Variants in PCDHA10 observed in about 807,000 individuals in gnomAD.
The protein encoded by PCDHA10 is protocadherin alpha-10.
Under a neutral mutation model 61.2 loss-of-function variants are expected in PCDHA10, and 45 were observed. That is an observed-to-expected ratio of 0.74 (90% CI 0.58 to 0.94). The LOEUF (loss-of-function observed/expected upper bound fraction) is 0.94. PCDHA10 is among the 40% of genes least tolerant of loss of function. PCDHA10 has a pLI of 0.00. For missense variants in PCDHA10, 1,278 were observed against 1,236.2 expected (o/e 1.03, Z -0.51); for synonymous variants, 602 against 548.8 (o/e 1.10, Z -1.35).
intron 3 of PCDHA10, among the ~76,000 whole-genome samples, chr5:140,999,980 C>A (rs1386394350): frequency 6.6e-6 from 1 of 152,076 alleles, no homozygotes; most frequent in Non-Finnish European, 1.5e-5. Context: ...GCTCTAGCGG[C>A]CTCTGGGTAG....
intron 1 of PCDHA10, among the ~76,000 whole-genome samples, chr5:140,926,128 C>CGCAGCAGGATCCAGCGCGGAAAGCTCT (rs1157627097): frequency 6.6e-6 from 1 of 152,162 alleles, no homozygotes; most frequent in Non-Finnish European, 1.5e-5. Context: ...GACTTCAACC[C>CGCAGCAGGATCCAGCGCGGAAAGCTCT]GCAGCAGGAT....
intron 1 of PCDHA10, among the ~76,000 whole-genome samples, chr5:140,905,031 T>G (rs2071545933): frequency 6.6e-6 from 1 of 152,228 alleles, no homozygotes. Flanking sequence ...GCAGAAGCTT[T>G]TTAGTTTAAT....
intron 1 of PCDHA10, chr5:140,927,592 G>T: frequency 6.2e-7 from 1 of 1,614,170 alleles, no homozygotes; most frequent in Admixed American, 1.7e-5. Context: ...GCCTGTATTT[G>T]AGCGCTCCGT....
chr5:140,887,361 G>T (rs2061424710), intron 1 of PCDHA10, among the ~76,000 whole-genome samples: 1 of 152,144 alleles, frequency 6.6e-6, no homozygotes, highest in South Asian at 2.1e-4. Flanking sequence ...CTCCCAAAGT[G>T]CTGGGATTAC....
chr5:140,937,227 C>CG lies in PCDHA10; in HGVS notation c.2389-41718dup, dbSNP rs2091422712. Among the ~76,000 whole-genome samples the CG allele has an allele frequency of 2.0e-5, 3 of 151,930 alleles. No homozygotes were observed. The South Asian group carries it at 6.2e-4, about 32-fold the overall frequency. On this transcript the variant is annotated intron_variant, in intron 1 of 3. Transcript: ENST00000307360. Reference sequence around the variant, plus strand: ...TAATTTTTTGTATTTTTTGTAGAGACGGGGTTTCACCGTGTTAGCCAGGAT... The same window carrying CG: ...TAATTTTTTGTATTTTTTGTAGAGACGGGGGTTTCACCGTGTTAGCCAGGAT...
At chr5:140,909,484 G>A (rs981292788) in intron 1 of PCDHA10, among the ~76,000 whole-genome samples, 1 of 152,180 alleles carries the variant, frequency 6.6e-6, no homozygotes, top group African/African-American at 2.4e-5. Context: ...CTAAATAGGA[G>A]AGCTGAACGG....
chr5:140,884,503 A>C (rs782488569), intron 1 of PCDHA10: 82 of 1,613,940 alleles, frequency 5.1e-5, no homozygotes, highest in Middle Eastern at 1.6e-4. Flanking sequence ...CCAGCGCGGC[A>C]GGGAGTTGGT....
At position 140,967,211 on chromosome 5, in the gene PCDHA10, C is replaced by T. The variant is rs549238768; in HGVS notation, c.2389-11738C>T. On this transcript the variant is annotated intron_variant, in intron 1 of 3. Transcript: ENST00000307360. ...CATCAACGACAACTCACCGCGTTTC[C>T]CGCGGCCCAACTACCAGCTTCAGGT... 1.1e-5 allele frequency: 18 copies of T among 1,613,676 alleles called. No individual in the cohort carries two copies. The East Asian group carries it at 3.3e-4, about 30-fold the overall frequency.
chr5:140,959,118 C>T (rs781848896), intron 1 of PCDHA10, among the ~76,000 whole-genome samples: 8 of 151,838 alleles, frequency 5.3e-5, no homozygotes, highest in Non-Finnish European at 1.0e-4. Context: ...CGAAGGTGGG[C>T]GAGGTGAGCC....
At position 140,997,696 on chromosome 5, in the gene PCDHA10, GTA is replaced by G. The variant is rs1328869274; in HGVS notation, c.2537-11929_2537-11928del. On this transcript the variant is annotated intron_variant, in intron 3 of 3. Transcript: ENST00000307360. ...TGTGTGTGTGTGTGTGTGTGTGTGT[GTA>G]TGTTAACAAACACCTTTCTACGTCA... Among the ~76,000 whole-genome samples, 208 of 148,602 alleles carry G rather than the reference GTA, an allele frequency of 1.4e-3. 1 individual carries two copies. Among genetic ancestry groups the G allele is most frequent in the African/African-American group, 4.8e-3 (197 of 40,710 alleles).
chr5:140,887,649 T>C (rs2061527192), intron 1 of PCDHA10, among the ~76,000 whole-genome samples: 1 of 152,162 alleles, frequency 6.6e-6, no homozygotes, highest in South Asian at 2.1e-4. Context: ...TTTGTTGATA[T>C]TCTTGGATCT....
At chr5:140,994,485 C>T (rs573689251) in intron 3 of PCDHA10, among the ~76,000 whole-genome samples, 2 of 152,146 alleles carry the variant, frequency 1.3e-5, no homozygotes, top group South Asian at 2.1e-4. Flanking sequence ...GGTGGATTGC[C>T]TGAACCCAGG....
chr5:140,916,322 C>T (rs2077526281), intron 1 of PCDHA10, among the ~76,000 whole-genome samples: 1 of 152,066 alleles, frequency 6.6e-6, no homozygotes, highest in Non-Finnish European at 1.5e-5. Context: ...GACAAAGTCC[C>T]CTTTACTTTT....
At chr5:140,883,021 G>A in intron 1 of PCDHA10, 1 of 1,614,136 alleles carries the variant, frequency 6.2e-7, no homozygotes, top group Non-Finnish European at 8.5e-7. Flanking sequence ...AAGTGACGGT[G>A]TTAGAGAACG....
At chr5:140,969,945 A>G (rs2096371634) in intron 1 of PCDHA10, among the ~76,000 whole-genome samples, 1 of 152,214 alleles carries the variant, frequency 6.6e-6, no homozygotes, top group South Asian at 2.1e-4. Flanking sequence ...TACTGAAGCT[A>G]AAGTTTGCTT....
intron 3 of PCDHA10, among the ~76,000 whole-genome samples, chr5:140,986,211 C>T (rs1257937611): frequency 1.3e-5 from 2 of 152,126 alleles, no homozygotes; most frequent in African/African-American, 2.4e-5. Flanking sequence ...GATTACTGGC[C>T]CCTTTCTCTA....
chr5:140,999,594 A>G (rs1279617761), intron 3 of PCDHA10, among the ~76,000 whole-genome samples: 25 of 152,186 alleles, frequency 1.6e-4, no homozygotes, highest in Admixed American at 1.4e-3. Flanking sequence ...TGCCTTCCCT[A>G]CATCCTGGGG....
chr5:140,862,493 C>G, intron 1 of PCDHA10: 1 of 388,776 alleles, frequency 2.6e-6, no homozygotes, highest in East Asian at 6.9e-5. Flanking sequence ...GGTAATCGCT[C>G]GGAATGGGGA....
At chr5:141,009,107 G>A (rs1329490009) in intron 3 of PCDHA10, among the ~76,000 whole-genome samples, 6 of 152,180 alleles carry the variant, frequency 3.9e-5, no homozygotes, top group African/African-American at 1.4e-4. Flanking sequence ...ATGTTACTAT[G>A]AAACTAGATT....
Sources: gnomAD v4.1 joint callset for allele counts (sites outside exome capture counted in the v4.1 genomes callset) on GRCh38, gnomAD v4.1.1 for gene constraint, MANE v1.5 for transcripts, NCBI Gene and HGNC (gene_info 2026-07-23, HGNC 2026-07-21) for gene names.